PTPA: variants seen among roughly 807,000 people sequenced by gnomAD.
The protein encoded by PTPA is protein phosphatase 2 phosphatase activator, also known as serine/threonine-protein phosphatase 2A activator.
Under a neutral mutation model 43.6 loss-of-function variants are expected in PTPA, and 13 were observed. The ratio of observed to expected loss-of-function variants is 0.30; its 90% confidence interval spans 0.19 to 0.47. PTPA has a LOEUF of 0.47. Ranked by LOEUF, PTPA falls within the 20% of genes least tolerant of loss-of-function variation. The pLI, the probability that PTPA is intolerant of heterozygous loss-of-function variation, is 0.99. For missense variants in PTPA, 329 were observed against 411.9 expected (o/e 0.80, Z 1.74); for synonymous variants, 172 against 158.2 (o/e 1.09, Z -0.66).
intron 6 of PTPA, among the ~76,000 whole-genome samples, chr9:129,135,251 G>A (rs1850289205): frequency 1.3e-5 from 2 of 152,090 alleles, no homozygotes; most frequent in Non-Finnish European, 2.9e-5. Flanking sequence ...GAATTAGCTG[G>A]GCGTGGTGGC....
At chr9:129,115,642 A>AT (rs10706402) in intron 1 of PTPA, among the ~76,000 whole-genome samples, 1 of 143,856 alleles carries the variant, frequency 7.0e-6, no homozygotes, top group Non-Finnish European at 1.5e-5. Context: ...GAGAGTTTGC[A>AT]TTTTTTTTTT....
intron 2 of PTPA, 97 bp from the exon 3 acceptor site, chr9:129,122,955 C>A: frequency 1.1e-6 from 1 of 902,116 alleles, no homozygotes; most frequent in Admixed American, 1.9e-5. Flanking sequence ...AAGTAGAAAG[C>A]TCGGAGCTCT....
chr9:129,120,706 G>C, intron 2 of PTPA, 96 bp downstream of exon 2: 1 of 1,069,340 alleles, frequency 9.4e-7, no homozygotes, highest in Non-Finnish European at 1.4e-6. Flanking sequence ...TCTTGCTCTT[G>C]GAGCCTGACT....
chr9:129,127,831 T>G (rs1391326273), intron 3 of PTPA: 6 of 497,426 alleles, frequency 1.2e-5, no homozygotes, highest in Non-Finnish European at 2.1e-5. Context: ...GCATTGTGTA[T>G]GAAATAGGTA....
intron 1 of PTPA, 42 bp downstream of exon 1, chr9:129,111,673 TG>T: frequency 1.8e-6 from 2 of 1,104,572 alleles, no homozygotes; most frequent in South Asian, 3.5e-5. Context: ...TCGGGTAGGG[TG>T]GGGGCGGTGC....
chr9:129,116,384 C>CTTTTTTT (rs142067473), intron 1 of PTPA, among the ~76,000 whole-genome samples: 1 of 107,706 alleles, frequency 9.3e-6, no homozygotes, highest in Non-Finnish European at 1.7e-5. Context: ...GACAGGGTTT[C>CTTTTTTT]TTTTTTTTTT....
At chr9:129,144,010 C>G (rs989999141) in intron 9 of PTPA, among the ~76,000 whole-genome samples, 1 of 151,522 alleles carries the variant, frequency 6.6e-6, no homozygotes, top group African/African-American at 2.4e-5. Flanking sequence ...CTCTGGCTGC[C>G]TTCTCTGCTT....
intron 8 of PTPA, among the ~76,000 whole-genome samples, chr9:129,140,342 T>A (rs1850697501): frequency 6.6e-6 from 1 of 152,188 alleles, no homozygotes; most frequent in Non-Finnish European, 1.5e-5. Context: ...TTGCCAGAGT[T>A]ACAGGCAAAG....
chr9:129,136,329 A>T, intron 6 of PTPA, 142 bp from the exon 7 acceptor site: 1 of 988,604 alleles, frequency 1.0e-6, no homozygotes, highest in Middle Eastern at 2.5e-4. Flanking sequence ...TGTTGGGGGA[A>T]ATAAAGCTAC....
rs896999080 is a variant in PTPA, at chr9:129,112,030, C to T, written c.31+399C>T. 4 of 196,212 alleles carry T rather than the reference C, an allele frequency of 2.0e-5. No individual in the cohort carries two copies. The East Asian group carries it at 3.5e-4, about 17-fold the overall frequency. 12.2% of individuals were successfully genotyped at this position (196,212 alleles called of 1,614,324 possible). ...TCCGGAGGCTGCCGTCTTTATTAGTCGCTGCTTAGGGGATGGGGTGGTGCT... is the reference window on the plus strand; with the variant it reads ...TCCGGAGGCTGCCGTCTTTATTAGTTGCTGCTTAGGGGATGGGGTGGTGCT... On this transcript the variant is annotated intron_variant, in intron 1 of 9. Transcript: ENST00000393370.
chr9:129,144,843 G>T (rs1036633776), intron 9 of PTPA, among the ~76,000 whole-genome samples: 1 of 151,776 alleles, frequency 6.6e-6, no homozygotes, highest in African/African-American at 2.4e-5. Context: ...GACCAACCTG[G>T]GCAACATGAG....
intron 8 of PTPA, chr9:129,142,217 T>C (rs937603735): frequency 9.1e-6 from 4 of 437,534 alleles, no homozygotes; most frequent in African/African-American, 8.1e-5. Context: ...TAGCAGGCCT[T>C]GAGGGCCAAA....
At chr9:129,142,817 T>G in intron 9 of PTPA, 1 of 1,534,578 alleles carries the variant, frequency 6.5e-7, no homozygotes, top group Non-Finnish European at 8.7e-7. Context: ...GGCAAGGACC[T>G]GCTGCATGGG....
At chr9:129,124,145 C>T (rs1248691468) in intron 3 of PTPA, among the ~76,000 whole-genome samples, 1 of 152,194 alleles carries the variant, frequency 6.6e-6, no homozygotes, top group African/African-American at 2.4e-5. Flanking sequence ...ACAGTGGTCA[C>T]CCAGGAAAGC....
At position 129,134,776 on chromosome 9, in the gene PTPA, G is replaced by A; in HGVS notation, c.461-19G>A. ...CTTTACCTGGACTACTGTCAACGCT[G>A]GTTGTTTTTCTCCTCCAGGGCATGA... On this transcript the variant is annotated intron_variant, in intron 5 of 9. Coordinates refer to ENST00000393370, the MANE Select transcript of PTPA (RefSeq NM_178000.3). 1 of 1,593,208 alleles carries A rather than the reference G, an allele frequency of 6.3e-7. No individual in the cohort carries two copies. The highest frequency in any genetic ancestry group is 2.2e-5 in the East Asian group (1 of 44,780).
At chr9:129,120,201 T>C (rs1026631822) in intron 1 of PTPA, among the ~76,000 whole-genome samples, 1 of 151,606 alleles carries the variant, frequency 6.6e-6, no homozygotes, top group African/African-American at 2.4e-5. Flanking sequence ...GAGGTTGCAG[T>C]GAGCTGAGAT....
intron 3 of PTPA, among the ~76,000 whole-genome samples, chr9:129,125,850 A>G (rs184622885): frequency 6.6e-6 from 1 of 152,348 alleles, no homozygotes; most frequent in Admixed American, 6.5e-5. Context: ...GTGTTGTTGC[A>G]TAGAAAGCTA....
Position 129,129,063 on chromosome 9 carries a change from C to T in PTPA, c.295C>T (p.Arg99Trp). ...GACTCCTCCAGTGGACCAGCCCTCT[C>T]GGTTTGGGAATAAGGCATACAGGAC... The part of the protein sequence containing the change: ...DETPPVDQPS[R>W]FGNKAYRTWY... The change falls in exon 4 of 10, where the codon CGG becomes TGG. Residue 99 changes from arginine to tryptophan, a missense_variant. Coordinates refer to ENST00000393370, the MANE Select transcript of PTPA (RefSeq NM_178000.3). 2 of 1,612,658 alleles carry T rather than the reference C, an allele frequency of 1.2e-6. No individual in the cohort carries two copies. The highest frequency in any genetic ancestry group is 1.7e-6 in the Non-Finnish European group (2 of 1,179,998).
chr9:129,111,221 C>G, upstream of PTPA: 5 of 1,141,542 alleles, frequency 4.4e-6, no homozygotes, highest in Non-Finnish European at 4.4e-6. Context: ...TGGCTGAGCA[C>G]AACCCAAACT....
Sources: gnomAD v4.1 joint callset for allele counts (sites outside exome capture counted in the v4.1 genomes callset) on GRCh38, gnomAD v4.1.1 for gene constraint, MANE v1.5 for transcripts, NCBI Gene and HGNC (gene_info 2026-07-23, HGNC 2026-07-21) for gene names.